STIM1: variants seen among roughly 807,000 people sequenced by gnomAD.
The protein encoded by STIM1 is stromal interaction molecule 1.
In STIM1, 25 loss-of-function variants were observed where a neutral mutation model predicts 74.7. The ratio of observed to expected loss-of-function variants is 0.33; its 90% CI spans 0.24 to 0.47. The LOEUF (loss-of-function observed/expected upper bound fraction) is 0.47, where lower values mean the gene tolerates loss of function less well. Among genes scored for constraint, STIM1 ranks in the 20% least tolerant of loss-of-function variants. The pLI, the probability that STIM1 is intolerant of heterozygous loss-of-function variation, is 1.00. For synonymous variants in STIM1, 328 were observed against 348.8 expected, an observed-to-expected ratio of 0.94 and a Z score of 0.66; for missense variants, 728 against 920.8, an observed-to-expected ratio of 0.79 and a Z score of 2.71.
At chr11:3,938,802 G>A (rs1440752908) in intron 1 of STIM1, among the ~76,000 whole-genome samples, 1 of 152,170 alleles carries the variant, frequency 6.6e-6, no homozygotes, top group Non-Finnish European at 1.5e-5. Flanking sequence ...AGCCGAGGTA[G>A]CACCACTGCG....
At chr11:3,992,423 T>A (rs1371423887) in intron 2 of STIM1, among the ~76,000 whole-genome samples, 4 of 151,904 alleles carry the variant, frequency 2.6e-5, no homozygotes, top group South Asian at 2.1e-4. Flanking sequence ...CAAAAAAAAA[T>A]TTAAATAAAA....
intron 2 of STIM1, chr11:3,973,899 A>G: frequency 2.1e-6 from 1 of 477,544 alleles, no homozygotes; most frequent in Non-Finnish European, 3.8e-6. Flanking sequence ...AAATTTTTTT[A>G]AATTTAAAAT....
rs1472870107 is a variant in STIM1 at position 3,895,674 on chromosome 11, C to CTTT, written c.139+39265_139+39266insTTT. The stretch of plus-strand genomic sequence containing the variant: ...TCTTTCTTTCTTTCTTTCTTTCTTT[C>CTTT]CTTCCTTCCTTCTTTCTTTCTTTCT... On this transcript the variant is annotated intron_variant, in intron 1 of 12. Transcript: ENST00000526596. Among the ~76,000 whole-genome samples, 99 of 46,366 alleles carry CTTT rather than the reference C, an allele frequency of 2.1e-3. 3 individuals carry two copies. The highest frequency in any genetic ancestry group is 2.7e-3 in the African/African-American group (21 of 7,854). 30.4% of individuals were successfully genotyped at this position (46,366 alleles called of 152,430 possible).
intron 1 of STIM1, among the ~76,000 whole-genome samples, chr11:3,944,364 C>T (rs910809060): frequency 6.6e-6 from 1 of 152,090 alleles, no homozygotes; most frequent in African/African-American, 2.4e-5. Flanking sequence ...AGGTTTTGTG[C>T]CTGATTAACT....
intron 1 of STIM1, among the ~76,000 whole-genome samples, chr11:3,951,280 C>T (rs1032807041): frequency 6.6e-6 from 1 of 152,176 alleles, no homozygotes; most frequent in African/African-American, 2.4e-5. Context: ...CTAGAATGAT[C>T]ATCTTGACTG....
chr11:3,974,474 A>C (rs1363337143), intron 2 of STIM1, among the ~76,000 whole-genome samples: 1 of 150,824 alleles, frequency 6.6e-6, no homozygotes. Flanking sequence ...CCAGGAGTTC[A>C]AGACCAGCCT....
chr11:3,880,574 T>C (rs2091463684), intron 1 of STIM1, among the ~76,000 whole-genome samples: 6 of 152,226 alleles, frequency 3.9e-5, no homozygotes, highest in Admixed American at 3.9e-4. Flanking sequence ...ACAGTTGTTA[T>C]TGAGAGATTT....
intron 1 of STIM1, among the ~76,000 whole-genome samples, chr11:3,896,195 C>T (rs1165524044): frequency 3.5e-5 from 5 of 144,138 alleles, no homozygotes; most frequent in African/African-American, 1.4e-4. Flanking sequence ...TGAGCCACTG[C>T]ACCTGGCCGG....
intron 3 of STIM1, among the ~76,000 whole-genome samples, chr11:4,041,659 G>A (rs1014965560): frequency 6.6e-6 from 1 of 151,712 alleles, no homozygotes; most frequent in South Asian, 2.1e-4. Flanking sequence ...GTGGAGTGGT[G>A]CAATCTTGGC....
At chr11:3,895,691 TTTCTTTCTTTCTTTCTTTCTTTC>T (rs2092088142) in intron 1 of STIM1, among the ~76,000 whole-genome samples, 2 of 33,820 alleles carry the variant, frequency 5.9e-5, no homozygotes, top group South Asian at 1.2e-3. Flanking sequence ...TCCTTCTTTC[TTTCTTTCTTTCTTTCTTTCTTTC>T]TTTCTTTCTT....
At chr11:3,930,488 G>A (rs1181758186) in intron 1 of STIM1, among the ~76,000 whole-genome samples, 2 of 152,136 alleles carry the variant, frequency 1.3e-5, no homozygotes, top group African/African-American at 4.8e-5. Context: ...GGAAAATGGG[G>A]GCAAACATGA....
chr11:3,932,362 T>C (rs2092875299), intron 1 of STIM1, among the ~76,000 whole-genome samples: 1 of 152,106 alleles, frequency 6.6e-6, no homozygotes, highest in Non-Finnish European at 1.5e-5. Flanking sequence ...TTAGTGCCCT[T>C]AGAAAAGAGA....
chr11:4,069,117 A>T (rs141725517), intron 5 of STIM1, among the ~76,000 whole-genome samples: 1 of 152,186 alleles, frequency 6.6e-6, no homozygotes, highest in Non-Finnish European at 1.5e-5. Context: ...TCCTTCTTAT[A>T]GTGCCCCTTT....
chr11:3,937,482 G>A (rs1001871016), intron 1 of STIM1, among the ~76,000 whole-genome samples: 1 of 152,044 alleles, frequency 6.6e-6, no homozygotes, highest in African/African-American at 2.4e-5. Context: ...GAATCTTATT[G>A]GCCTGCTAGC....
At chr11:3,976,288 A>G (rs2093447914) in intron 2 of STIM1, among the ~76,000 whole-genome samples, 1 of 152,234 alleles carries the variant, frequency 6.6e-6, no homozygotes, top group Non-Finnish European at 1.5e-5. Context: ...GTCTCAAAAT[A>G]TTACATACTA....
intron 1 of STIM1, among the ~76,000 whole-genome samples, chr11:3,886,445 T>C (rs1298833665): frequency 1.3e-5 from 2 of 152,094 alleles, no homozygotes; most frequent in African/African-American, 4.8e-5. Flanking sequence ...TCCCAGCACT[T>C]TGGGAGGCCA....
chr11:4,065,166 G>A (rs2094357141), intron 5 of STIM1, among the ~76,000 whole-genome samples: 1 of 151,724 alleles, frequency 6.6e-6, no homozygotes, highest in Admixed American at 6.5e-5. Flanking sequence ...TGAGAAAAGT[G>A]CAGGGAGGCC....
intron 1 of STIM1, among the ~76,000 whole-genome samples, chr11:3,922,066 T>C (rs1283061966): frequency 6.6e-6 from 1 of 152,208 alleles, no homozygotes; most frequent in Non-Finnish European, 1.5e-5. Flanking sequence ...ATAATGTTTA[T>C]TGTTTTAAGC....
chr11:4,045,767 T>TG (rs2094187050), intron 3 of STIM1, among the ~76,000 whole-genome samples: 1 of 146,666 alleles, frequency 6.8e-6, no homozygotes, highest in African/African-American at 2.5e-5. Flanking sequence ...CACTTCTTTT[T>TG]TTTTTTTTTT....
Sources: gnomAD v4.1 joint callset for allele counts (sites outside exome capture counted in the v4.1 genomes callset) on GRCh38, gnomAD v4.1.1 for gene constraint, MANE v1.5 for transcripts, NCBI Gene and HGNC (gene_info 2026-07-23, HGNC 2026-07-21) for gene names.